The following UST variants were observed in gnomAD, a reference collection of about 807,000 sequenced individuals.
The protein encoded by UST is uronyl 2-sulfotransferase, also known as chondroitin sulfate 2-O-sulfotransferase.
Under a neutral mutation model 45.6 loss-of-function variants are expected in UST, and 21 were observed. The observed-to-expected ratio is 0.46, with a 90% CI of 0.33 to 0.66. UST has a LOEUF of 0.66. Ranked by LOEUF, UST falls within the 30% of genes least tolerant of loss-of-function variation. UST has a pLI of 0.02. For missense variants in UST, 463 were observed against 512.4 expected, an observed-to-expected ratio of 0.90 and a Z score of 0.93; for synonymous variants, 215 against 200.6, an observed-to-expected ratio of 1.07 and a Z score of -0.61.
At chr6:148,834,606 A>G (rs1777752266) in intron 1 of UST, among the ~76,000 whole-genome samples, 1 of 152,132 alleles carries the variant, frequency 6.6e-6, no homozygotes, top group Non-Finnish European at 1.5e-5. Flanking sequence ...ATGGTGGTGC[A>G]CGCCTGTAGT....
intron 2 of UST, among the ~76,000 whole-genome samples, chr6:148,894,059 G>C (rs1233952098): frequency 6.6e-6 from 1 of 152,052 alleles, no homozygotes; most frequent in East Asian, 1.9e-4. Flanking sequence ...AGAAGGGATG[G>C]GCCTCACTGC....
chr6:149,013,288 G>A (rs563890756), intron 5 of UST, among the ~76,000 whole-genome samples: 2 of 152,194 alleles, frequency 1.3e-5, no homozygotes, highest in African/African-American at 2.4e-5. Flanking sequence ...AGTGGCTCAC[G>A]CCTGTAATCC....
At chr6:148,751,439 G>A (rs1053448310) in intron 1 of UST, among the ~76,000 whole-genome samples, 10 of 152,288 alleles carry the variant, frequency 6.6e-5, no homozygotes, top group African/African-American at 2.2e-4. Flanking sequence ...GGAAGGACGA[G>A]AACAGAGCCA....
At chr6:149,005,521 A>ACT (rs1781629484) in intron 5 of UST, 7 of 985,414 alleles carry the variant, frequency 7.1e-6, no homozygotes, top group Non-Finnish European at 8.4e-6. Flanking sequence ...TAGAATTAGT[A>ACT]AAGTCTCCAG....
At chr6:148,759,694 A>G (rs1468990549) in intron 1 of UST, among the ~76,000 whole-genome samples, 1 of 150,358 alleles carries the variant, frequency 6.7e-6, no homozygotes, top group Non-Finnish European at 1.5e-5. Flanking sequence ...TAAAAATACA[A>G]AAAATTAGCC....
intron 1 of UST, among the ~76,000 whole-genome samples, chr6:148,832,490 A>G (rs1777708354): frequency 6.6e-6 from 1 of 152,218 alleles, no homozygotes; most frequent in African/African-American, 2.4e-5. Context: ...CACAAGTGTA[A>G]TTTAAAGATG....
At chr6:149,026,972 T>C (rs1264631105) in intron 7 of UST, among the ~76,000 whole-genome samples, 1 of 152,174 alleles carries the variant, frequency 6.6e-6, no homozygotes, top group African/African-American at 2.4e-5. Context: ...AATCCTAACT[T>C]TGAGGATTTA....
intron 1 of UST, among the ~76,000 whole-genome samples, chr6:148,804,228 C>G (rs371502528): frequency 3.5e-4 from 53 of 152,280 alleles, no homozygotes; most frequent in Middle Eastern, 3.4e-3. Flanking sequence ...GTAGAATGCT[C>G]TCATCTCAGA....
chr6:148,923,110 A>C (rs1370952941), intron 2 of UST, among the ~76,000 whole-genome samples: 1 of 151,976 alleles, frequency 6.6e-6, no homozygotes, highest in Non-Finnish European at 1.5e-5. Flanking sequence ...GCCTGTACCC[A>C]ACTCCCACCC....
rs1775936067 is a variant in UST, at chr6:148,748,984, T to C, written c.247+1307T>C. 6.6e-6 allele frequency among the ~76,000 whole-genome samples: 1 copy of C among 151,048 alleles called. No homozygotes were observed. Among genetic ancestry groups the C allele is most frequent in the Admixed American group, 6.6e-5 (1 of 15,196 alleles). The stretch of plus-strand genomic sequence containing the variant: ...AAAGCAAAACAAAAACAAAACCACA[T>C]CAGCCAAGTTACAAATGTGTTAGGG... On this transcript the variant is annotated intron_variant, in intron 1 of 7. Transcript: ENST00000367463. The surrounding 1 kb of genome is among the most constrained non-coding windows in gnomAD (Gnocchi z 5.3).
At chr6:148,753,054 A>C (rs187377669) in intron 1 of UST, among the ~76,000 whole-genome samples, 39 of 152,336 alleles carry the variant, frequency 2.6e-4, no homozygotes, top group African/African-American at 9.4e-4. Flanking sequence ...TTATTTGCAA[A>C]AGTCAATGTA....
intron 7 of UST, among the ~76,000 whole-genome samples, chr6:149,064,525 C>T (rs548105764): frequency 2.4e-3 from 365 of 152,192 alleles, no homozygotes; most frequent in African/African-American, 6.1e-3. Context: ...AATTCCTGTG[C>T]GTGGTGCAGA....
chr6:149,066,661 C>T (rs1170265387), intron 7 of UST, among the ~76,000 whole-genome samples: 3 of 152,166 alleles, frequency 2.0e-5, no homozygotes, highest in Middle Eastern at 3.4e-3. Context: ...CTGAAATACA[C>T]GAGACAATCT....
chr6:148,955,097 G>A (rs181298259), intron 4 of UST, among the ~76,000 whole-genome samples: 3 of 152,322 alleles, frequency 2.0e-5, no homozygotes, highest in South Asian at 2.1e-4. Flanking sequence ...GCCCTCTGAC[G>A]GGCACTTCTG....
chr6:148,751,401 C>T (rs866289061), intron 1 of UST, among the ~76,000 whole-genome samples: 1 of 152,090 alleles, frequency 6.6e-6, no homozygotes, highest in Non-Finnish European at 1.5e-5. Flanking sequence ...AGTAGGCTGA[C>T]GTGGGGCAAC....
chr6:148,813,444 C>T (rs185519986), intron 1 of UST, among the ~76,000 whole-genome samples: 95 of 151,714 alleles, frequency 6.3e-4, no homozygotes, highest in African/African-American at 2.1e-3. Flanking sequence ...TGCAGTGGCA[C>T]GATCTCAGCT....
chr6:148,931,071 T>G (rs75695500), intron 2 of UST, among the ~76,000 whole-genome samples: 1 of 152,216 alleles, frequency 6.6e-6, no homozygotes, highest in Non-Finnish European at 1.5e-5. Context: ...GGGCAGTCTC[T>G]TCTTCTGAGG....
At chr6:149,039,740 G>T (rs949829812) in intron 7 of UST, among the ~76,000 whole-genome samples, 5 of 152,228 alleles carry the variant, frequency 3.3e-5, no homozygotes, top group African/African-American at 1.2e-4. Context: ...CAACTGAGCA[G>T]CGAGGAAACT....
At chr6:149,067,504 C>T (rs1484971985) in intron 7 of UST, among the ~76,000 whole-genome samples, 21 of 152,174 alleles carry the variant, frequency 1.4e-4, no homozygotes, top group Non-Finnish European at 7.3e-5. Context: ...TCCCCCTTCC[C>T]TCTTGTCTTA....
Sources: gnomAD v4.1 joint callset for allele counts (sites outside exome capture counted in the v4.1 genomes callset) on GRCh38, gnomAD v4.1.1 for gene constraint, Gnocchi (gnomAD v3.1) non-coding constraint, MANE v1.5 for transcripts, NCBI Gene and HGNC (gene_info 2026-07-23, HGNC 2026-07-21) for gene names.